ANK3: variants seen among roughly 807,000 people sequenced by gnomAD.
ANK3 encodes ankyrin 3.
Under a neutral mutation model 370.9 loss-of-function variants are expected in ANK3, and 57 were observed. The ratio of observed to expected loss-of-function variants is 0.15; its 90% confidence interval spans 0.12 to 0.19. The LOEUF (loss-of-function observed/expected upper bound fraction) is 0.19, where lower values mean the gene tolerates loss of function less well. Among genes scored for constraint, ANK3 ranks in the 10% least tolerant of loss-of-function variants. The pLI, the probability that ANK3 is intolerant of heterozygous loss-of-function variation, is 1.00. For missense variants in ANK3, 4,439 were observed against 5,302.1 expected, an observed-to-expected ratio of 0.84 and a Z score of 5.06; for synonymous variants, 1,929 against 1,946.3, an observed-to-expected ratio of 0.99 and a Z score of 0.23.
At chr10:60,547,639 T>G (rs1205724692) in intron 2 of ANK3, among the ~76,000 whole-genome samples, 5 of 133,004 alleles carry the variant, frequency 3.8e-5, no homozygotes, top group Non-Finnish European at 3.2e-5. Context: ...CAGGGGAGGG[T>G]GGGGAGGGTG....
At chr10:60,217,670 C>A (rs2096962619) in intron 8 of ANK3, among the ~76,000 whole-genome samples, 1 of 152,140 alleles carries the variant, frequency 6.6e-6, no homozygotes, top group Admixed American at 6.6e-5. Flanking sequence ...TGTTTTACTT[C>A]CAATCATATG....
At chr10:60,058,063 CTAA>C (rs1260376804) in intron 41 of ANK3, among the ~76,000 whole-genome samples, 5 of 152,202 alleles carry the variant, frequency 3.3e-5, no homozygotes, top group Non-Finnish European at 7.4e-5. Flanking sequence ...ATATTTTAGT[CTAA>C]TGTGTATGTA....
intron 32 of ANK3, 42 bp from the exon 33 acceptor site, chr10:60,083,659 G>C: frequency 6.7e-7 from 1 of 1,498,694 alleles, no homozygotes; most frequent in Non-Finnish European, 9.1e-7. Context: ...GTTAATCTGA[G>C]TTTAAAATAT....
intron 2 of ANK3, among the ~76,000 whole-genome samples, chr10:60,576,218 T>C (rs558045743): frequency 1.3e-5 from 2 of 152,160 alleles, no homozygotes; most frequent in African/African-American, 2.4e-5. Flanking sequence ...CACACTTAAC[T>C]CCACAGAATT....
At chr10:60,304,923 C>T (rs930197150) in intron 1 of ANK3, among the ~76,000 whole-genome samples, 7 of 152,158 alleles carry the variant, frequency 4.6e-5, no homozygotes, top group African/African-American at 1.4e-4. Context: ...GCCTGGAAAA[C>T]CATCACCCTG....
At chr10:60,299,704 C>T (rs1383424175) in intron 1 of ANK3, among the ~76,000 whole-genome samples, 3 of 152,082 alleles carry the variant, frequency 2.0e-5, no homozygotes, top group African/African-American at 7.2e-5. Flanking sequence ...ACACAGTATC[C>T]CTTAAGGGGG....
intron 1 of ANK3, among the ~76,000 whole-genome samples, chr10:60,673,559 C>A (rs2079088365): frequency 2.0e-5 from 3 of 152,034 alleles, no homozygotes; most frequent in Admixed American, 6.6e-5. Flanking sequence ...ACCATGTTGA[C>A]CAGGCTGGTC....
chr10:60,576,727 T>G (rs1461751233), intron 2 of ANK3, among the ~76,000 whole-genome samples: 1 of 152,214 alleles, frequency 6.6e-6, no homozygotes. Flanking sequence ...CTTGTAAAAG[T>G]GAAAGACAAA....
intron 12 of ANK3, among the ~76,000 whole-genome samples, chr10:60,202,391 G>C (rs2096695842): frequency 6.6e-6 from 1 of 152,150 alleles, no homozygotes; most frequent in African/African-American, 2.4e-5. Flanking sequence ...CCAAAGTGCT[G>C]GGATTACAAG....
At chr10:60,355,572 A>T (rs1051164245) in intron 1 of ANK3, among the ~76,000 whole-genome samples, 1 of 152,212 alleles carries the variant, frequency 6.6e-6, no homozygotes. Context: ...TTTGGAAAAC[A>T]TTGCTCTCAT....
chr10:60,345,149 A>G (rs1263173143), intron 1 of ANK3, among the ~76,000 whole-genome samples: 1 of 152,200 alleles, frequency 6.6e-6, no homozygotes, highest in African/African-American at 2.4e-5. Flanking sequence ...TGAGCATTAA[A>G]CTAGATTCAT....
chr10:60,042,942 C>T, intron 42 of ANK3, 183 bp from the exon 43 acceptor site: 2 of 1,388,544 alleles, frequency 1.4e-6, no homozygotes. Context: ...ATCAAGCAAG[C>T]TAGAGAGCAC....
intron 2 of ANK3, among the ~76,000 whole-genome samples, chr10:60,560,125 T>C (rs1020970241): frequency 6.6e-6 from 1 of 152,130 alleles, no homozygotes; most frequent in African/African-American, 2.4e-5. Context: ...ATATATAATA[T>C]CTAGAGTTTA....
chr10:60,595,383 T>C (rs1001486712), intron 2 of ANK3, among the ~76,000 whole-genome samples: 1 of 152,076 alleles, frequency 6.6e-6, no homozygotes, highest in African/African-American at 2.4e-5. Context: ...TGATTGGTTA[T>C]GTTGAAATGA....
intron 23 of ANK3, among the ~76,000 whole-genome samples, chr10:60,159,386 T>C (rs1031377814): frequency 2.6e-5 from 4 of 152,104 alleles, no homozygotes; most frequent in Non-Finnish European, 5.9e-5. Flanking sequence ...AAATTATAAA[T>C]ATATACACAC....
At chr10:60,203,256 A>G (rs1363356499) in intron 11 of ANK3, among the ~76,000 whole-genome samples, 156 bp from the exon 12 acceptor site, 2 of 152,246 alleles carry the variant, frequency 1.3e-5, no homozygotes, top group Non-Finnish European at 2.9e-5. Flanking sequence ...CAGATTCTAT[A>G]TGGTAAATAT....
At chr10:60,575,821 T>G (rs2077675662) in intron 2 of ANK3, among the ~76,000 whole-genome samples, 1 of 152,152 alleles carries the variant, frequency 6.6e-6, no homozygotes, top group Non-Finnish European at 1.5e-5. Context: ...ACAACTTACC[T>G]TTAATAGAAA....
intron 1 of ANK3, among the ~76,000 whole-genome samples, chr10:60,341,742 GA>G (rs1466012807): frequency 2.6e-5 from 4 of 152,118 alleles, no homozygotes; most frequent in Non-Finnish European, 5.9e-5. Context: ...ATTGGTTTTT[GA>G]ATGAATGGTT....
chr10:60,552,992 G>C (rs1401579260), intron 2 of ANK3, among the ~76,000 whole-genome samples: 1 of 152,172 alleles, frequency 6.6e-6, no homozygotes, highest in Non-Finnish European at 1.5e-5. Flanking sequence ...CCATGATTGT[G>C]AGGCCTCCCT....
Sources: allele counts gnomAD v4.1 joint callset (sites outside exome capture counted in the v4.1 genomes callset), GRCh38; gene constraint gnomAD v4.1.1; transcripts MANE v1.5; gene names NCBI Gene and HGNC (gene_info 2026-07-23, HGNC 2026-07-21).